SIDT1: variants seen among roughly 807,000 people sequenced by gnomAD.
SIDT1 encodes the protein SID1 transmembrane family, member 1.
In SIDT1, 101 loss-of-function variants were observed where a neutral mutation model predicts 107.5. The ratio of observed to expected loss-of-function variants is 0.94; its 90% CI spans 0.80 to 1.11. The LOEUF is 1.11. Ranked by LOEUF, SIDT1 falls within the 50% of genes least tolerant of loss-of-function variation. SIDT1 has a pLI of 0.00. For missense variants in SIDT1, 1,076 were observed against 1,058.2 expected, an observed-to-expected ratio of 1.02 and a Z score of -0.23; for synonymous variants, 395 against 398.2, an observed-to-expected ratio of 0.99 and a Z score of 0.10.
At chr3:113,574,236 G>A (rs1428942768) in intron 3 of SIDT1, among the ~76,000 whole-genome samples, 1 of 152,220 alleles carries the variant, frequency 6.6e-6, no homozygotes, top group Non-Finnish European at 1.5e-5. Flanking sequence ...TTAAGTACAT[G>A]AGTGCGGAGT....
intron 1 of SIDT1, among the ~76,000 whole-genome samples, chr3:113,544,077 T>G: frequency 6.6e-6 from 1 of 151,460 alleles, no homozygotes; most frequent in Non-Finnish European, 1.5e-5. Flanking sequence ...TGAAAAAAGG[T>G]TTTTTGTTTT....
At chr3:113,540,831 C>T (rs1018536750) in intron 1 of SIDT1, among the ~76,000 whole-genome samples, 2 of 151,816 alleles carry the variant, frequency 1.3e-5, no homozygotes, top group Admixed American at 1.3e-4. Flanking sequence ...TTTATAATGC[C>T]CTTAGTCTCC....
intron 9 of SIDT1, among the ~76,000 whole-genome samples, chr3:113,589,035 CTTAT>C (rs1404616958): frequency 6.6e-6 from 1 of 152,124 alleles, no homozygotes; most frequent in African/African-American, 2.4e-5. Context: ...CTAGCTGGGG[CTTAT>C]TTGTTTCCAA....
At chr3:113,559,590 C>T (rs1030966041) in intron 1 of SIDT1, among the ~76,000 whole-genome samples, 36 of 152,176 alleles carry the variant, frequency 2.4e-4, no homozygotes, top group Admixed American at 1.1e-3. Flanking sequence ...TACAGGAGCA[C>T]GCCACTACAC....
chr3:113,571,694 G>A (rs148567801), intron 3 of SIDT1, among the ~76,000 whole-genome samples: 2,360 of 152,306 alleles, frequency 0.015, 61 homozygotes, highest in African/African-American at 0.054. Flanking sequence ...AGCACTTTGG[G>A]AGACCAAGGC....
intron 7 of SIDT1, among the ~76,000 whole-genome samples, chr3:113,584,343 G>T (rs181750954): frequency 2.0e-5 from 3 of 152,338 alleles, no homozygotes; most frequent in Admixed American, 6.5e-5. Context: ...CAAAGGAAGA[G>T]GTAGCTTCTG....
At chr3:113,597,875 A>T (rs1944685778) in intron 10 of SIDT1, among the ~76,000 whole-genome samples, 1 of 152,238 alleles carries the variant, frequency 6.6e-6, no homozygotes, top group Admixed American at 6.5e-5. Context: ...TTTGTGTTGA[A>T]TTATGCTTTC....
chr3:113,567,277 T>C (rs1942006276), intron 2 of SIDT1, among the ~76,000 whole-genome samples: 2 of 152,216 alleles, frequency 1.3e-5, no homozygotes, highest in African/African-American at 4.8e-5. Flanking sequence ...ATTAGGAGAA[T>C]GGCTTAGCGT....
In SIDT1 at chr3:113,608,004, C is replaced by A. The variant is rs148210036; in HGVS notation, c.1479-90C>A. 2,057 of 1,346,256 alleles carry A rather than the reference C, an allele frequency of 1.5e-3. 8 individuals carry two copies. The highest frequency in any genetic ancestry group is 5.8e-3 in the South Asian group (302 of 52,138). The allele number at this position is 1,346,256 out of a possible 1,614,324, so 83.4% of individuals were successfully genotyped here. On this transcript the variant is annotated intron_variant, in intron 15 of 24. Coordinates refer to ENST00000264852, the MANE Select transcript of SIDT1 (RefSeq NM_017699.3). Reference sequence around the variant, plus strand: ...GAAAGGTTAATGGAAAACATTCATGCTGAATTCATTCATTCCTTCATGCAT... The same window carrying A: ...GAAAGGTTAATGGAAAACATTCATGATGAATTCATTCATTCCTTCATGCAT...
At chr3:113,601,906 C>T (rs2107663329) in intron 11 of SIDT1, 1 of 416,164 alleles carries the variant, frequency 2.4e-6, no homozygotes, top group Non-Finnish European at 4.3e-6. Context: ...TCAATGTTTG[C>T]CATCTAATAC....
chr3:113,592,942 G>C (rs1436661224), intron 9 of SIDT1, 63 bp from the exon 10 acceptor site: 2 of 1,288,764 alleles, frequency 1.6e-6, no homozygotes, highest in East Asian at 4.6e-5. Flanking sequence ...AATCTATAAG[G>C]AACAAATGTA....
chr3:113,631,792 C>A (rs945310804), downstream of SIDT1, among the ~76,000 whole-genome samples: 1 of 152,168 alleles, frequency 6.6e-6, no homozygotes, highest in African/African-American at 2.4e-5. Flanking sequence ...GGACAGCTTT[C>A]CTGAAGCACG....
At position 113,567,712 on chromosome 3, in the gene SIDT1, T is replaced by G. The variant is rs758021109; in HGVS notation, c.515+2T>G. ...CAAGCTGAAGCACTTCCAGCTCCGG[T>G]AAGCGGGACTTTCTCTGTTTACCTG... On this transcript the variant is annotated splice_donor_variant, in intron 3 of 24. Transcript: ENST00000264852. LOFTEE classifies it high-confidence loss of function. The G allele has an allele frequency of 2.0e-5, 32 of 1,613,192 alleles. No individual in the cohort carries two copies. The highest frequency in any genetic ancestry group is 2.7e-5 in the Non-Finnish European group (32 of 1,179,608).
In SIDT1 at chr3:113,532,618, G is replaced by T. The variant is rs932365249; in HGVS notation, c.-404G>T. On this transcript the variant is annotated 5_prime_UTR_variant, in exon 1 of 25. Transcript: ENST00000264852. ...TCAGGTTGACTTTTCGAGACTAGCG[G>T]GTATTTCTTTTTAATGACTCCAATG... The T allele has an allele frequency of 5.9e-6, 1 of 170,210 alleles. No homozygotes were observed. Among genetic ancestry groups the T allele is most frequent in the Non-Finnish European group, 1.2e-5 (1 of 80,638 alleles). 10.5% of individuals were successfully genotyped at this position (170,210 alleles called of 1,614,324 possible). A position where few individuals can be genotyped will look rare whatever the true frequency, so the allele number is the denominator to read the frequency against.
In SIDT1 at chr3:113,591,918, A is replaced by G. The variant is rs116405435; in HGVS notation, c.1002-1087A>G. ...ATATCCATTAAGTGCAAGCATGTCAATGAAATGTGGTCTATCCGTACAATG... is the reference window on the plus strand; with the variant it reads ...ATATCCATTAAGTGCAAGCATGTCAGTGAAATGTGGTCTATCCGTACAATG... On this transcript the variant is annotated intron_variant, in intron 9 of 24. Coordinates refer to ENST00000264852, the MANE Select transcript of SIDT1 (RefSeq NM_017699.3). Among the ~76,000 whole-genome samples, 1,183 of 152,354 alleles carry G rather than the reference A, an allele frequency of 7.8e-3. 16 individuals are homozygous for G. Among genetic ancestry groups the G allele is most frequent in the African/African-American group, 0.027 (1,117 of 41,582 alleles).
chr3:113,620,059 G>GATAGATAGATAGATGATAGATAA lies in SIDT1; in HGVS notation c.2090+347_2090+348insGATAGATAAATAGATAGATAGAT, dbSNP rs1560140057. On this transcript the variant is annotated intron_variant, in intron 21 of 24. Transcript: ENST00000264852. Reference sequence around the variant, plus strand: ...TAGATAGATAGATGATAGATAAATAGATAGATAGATAGATAGATAGATAAT... The same window carrying GATAGATAGATAGATGATAGATAA: ...TAGATAGATAGATGATAGATAAATAGATAGATAGATAGATGATAGATAAATAGATAGATAGATAGATAGATAAT... The GATAGATAGATAGATGATAGATAA allele has an allele frequency of 2.0e-3, 352 of 175,202 alleles. 2 individuals carry two copies. The highest frequency in any genetic ancestry group is 0.014 in the Admixed American group (232 of 16,426). 10.9% of individuals were successfully genotyped at this position (175,202 alleles called of 1,614,324 possible).
chr3:113,542,322 A>C (rs1939006702), intron 1 of SIDT1, among the ~76,000 whole-genome samples: 1 of 152,140 alleles, frequency 6.6e-6, no homozygotes, highest in African/African-American at 2.4e-5. Context: ...TTTTAGTATT[A>C]GTTTGTTCCA....
chr3:113,615,081 A>T, intron 19 of SIDT1: 1 of 1,535,500 alleles, frequency 6.5e-7, no homozygotes, highest in East Asian at 2.4e-5. Context: ...GACACAGGTA[A>T]TGTTCAGCCA....
intron 6 of SIDT1, among the ~76,000 whole-genome samples, chr3:113,583,113 T>G (rs1943482512): frequency 6.6e-6 from 1 of 152,232 alleles, no homozygotes; most frequent in Non-Finnish European, 1.5e-5. Context: ...CATAGGCTAT[T>G]CACATATTAT....
Sources: allele counts gnomAD v4.1 joint callset (sites outside exome capture counted in the v4.1 genomes callset), GRCh38; gene constraint gnomAD v4.1.1; transcripts MANE v1.5; gene names NCBI Gene and HGNC (gene_info 2026-07-23, HGNC 2026-07-21).